Variants in LRRTM4 observed in about 807,000 individuals in gnomAD.
LRRTM4 encodes leucine-rich repeat transmembrane neuronal protein 4.
LRRTM4 carries 25 observed loss-of-function variants against 47.6 expected under a neutral mutation model. The ratio of observed to expected loss-of-function variants is 0.53; its 90% CI spans 0.38 to 0.73. LRRTM4 has a LOEUF of 0.73. LRRTM4 is among the 30% of genes least tolerant of loss of function. The probability of loss-of-function intolerance (pLI) is 0.00; values close to 1 mark genes in which losing one functional copy is unlikely to be tolerated. For missense variants in LRRTM4, 638 were observed against 713.4 expected, an observed-to-expected ratio of 0.89 and a Z score of 1.20; for synonymous variants, 311 against 269.5, an observed-to-expected ratio of 1.15 and a Z score of -1.51.
chr2:76,766,157 T>C (rs1305809750), intron 3 of LRRTM4, among the ~76,000 whole-genome samples: 1 of 152,182 alleles, frequency 6.6e-6, no homozygotes, highest in Admixed American at 6.5e-5. Flanking sequence ...TTCTTGAACA[T>C]CTTCCTTCTT....
chr2:77,098,716 G>GACTA (rs1670874037), intron 3 of LRRTM4, among the ~76,000 whole-genome samples: 3 of 140,736 alleles, frequency 2.1e-5, no homozygotes, highest in African/African-American at 8.2e-5. Context: ...AAATCACTAA[G>GACTA]AGATATAATC....
intron 3 of LRRTM4, among the ~76,000 whole-genome samples, chr2:77,237,916 T>C (rs1675148896): frequency 6.6e-6 from 1 of 152,096 alleles, no homozygotes; most frequent in Admixed American, 6.6e-5. Context: ...TGGGGCTGGT[T>C]CTGGATCCAG....
In LRRTM4 at chr2:77,227,471, CAGAT is replaced by C. The variant is rs1407718556; in HGVS notation, c.1551+290843_1551+290846del. 4.6e-5 allele frequency among the ~76,000 whole-genome samples: 7 copies of C among 152,034 alleles called. No homozygotes were observed. The East Asian group carries it at 7.7e-4, about 17-fold the overall frequency. On this transcript the variant is annotated intron_variant, in intron 3 of 3. Transcript: ENST00000409884. ...ATGAGGAAACAAAAGAGCAAGAAAA[CAGAT>C]AGGTGAAGCAATTATGATTTTTAAA...
intron 3 of LRRTM4, among the ~76,000 whole-genome samples, chr2:76,816,956 G>A (rs1468455306): frequency 6.7e-6 from 1 of 150,218 alleles, no homozygotes; most frequent in African/African-American, 2.4e-5. Flanking sequence ...GAGTATTGCA[G>A]TCTATAGAGT....
intron 3 of LRRTM4, among the ~76,000 whole-genome samples, chr2:77,314,350 GC>G (rs1440794055): frequency 4.6e-5 from 7 of 152,194 alleles, no homozygotes; most frequent in Admixed American, 3.9e-4. Flanking sequence ...TGCATTCCAT[GC>G]TTAAATAATA....
At chr2:77,005,925 T>G (rs1489058430) in intron 3 of LRRTM4, among the ~76,000 whole-genome samples, 1 of 152,206 alleles carries the variant, frequency 6.6e-6, no homozygotes, top group African/African-American at 2.4e-5. Flanking sequence ...GATACTATTA[T>G]TGTCCTTATT....
chr2:77,496,223 TTAG>T (rs2104061746), intron 3 of LRRTM4, among the ~76,000 whole-genome samples: 2 of 152,062 alleles, frequency 1.3e-5, no homozygotes, highest in South Asian at 4.1e-4. Context: ...CTCACATATT[TTAG>T]TAGCTTTCTT....
chr2:76,861,275 A>C (rs559995166), intron 3 of LRRTM4, among the ~76,000 whole-genome samples: 1 of 152,322 alleles, frequency 6.6e-6, no homozygotes, highest in South Asian at 2.1e-4. Context: ...GGAATGCAGA[A>C]GACTATAAAA....
chr2:77,213,666 C>T (rs373789631), intron 3 of LRRTM4, among the ~76,000 whole-genome samples: 1 of 152,104 alleles, frequency 6.6e-6, no homozygotes, highest in East Asian at 1.9e-4. Context: ...CAGTGGGTGA[C>T]TGAGGTCTAT....
At chr2:77,232,628 G>A (rs1277551995) in intron 3 of LRRTM4, among the ~76,000 whole-genome samples, 1 of 152,120 alleles carries the variant, frequency 6.6e-6, no homozygotes, top group African/African-American at 2.4e-5. Flanking sequence ...GATAGGAGAG[G>A]ATATCTCTGA....
chr2:76,777,112 A>T (rs1425829886), intron 3 of LRRTM4, among the ~76,000 whole-genome samples: 2 of 148,180 alleles, frequency 1.3e-5, no homozygotes, highest in Admixed American at 6.7e-5. Flanking sequence ...TGTTCCATTG[A>T]TCTATATCTC....
intron 3 of LRRTM4, among the ~76,000 whole-genome samples, chr2:76,807,102 C>T (rs1223411709): frequency 6.6e-6 from 1 of 151,922 alleles, no homozygotes; most frequent in Admixed American, 6.6e-5. Context: ...GTGTTAACTG[C>T]TACAAACCTA....
chr2:77,408,666 T>A (rs1363909724), intron 3 of LRRTM4, among the ~76,000 whole-genome samples: 1 of 152,192 alleles, frequency 6.6e-6, no homozygotes, highest in Non-Finnish European at 1.5e-5. Context: ...CCAGGAAGGA[T>A]AGGTGCTTCT....
chr2:77,032,250 G>A (rs13010206), intron 3 of LRRTM4, among the ~76,000 whole-genome samples: 34,239 of 151,954 alleles, frequency 0.23, 4,320 homozygotes, highest in East Asian at 0.41. Flanking sequence ...AAGTTGTTAC[G>A]TAGGTAACTC....
intron 3 of LRRTM4, among the ~76,000 whole-genome samples, chr2:76,842,161 A>G (rs904410085): frequency 3.9e-5 from 6 of 152,164 alleles, no homozygotes; most frequent in African/African-American, 1.4e-4. Context: ...AAGAGAACAA[A>G]AGGTTGAATT....
chr2:76,967,689 C>T (rs998610144), intron 3 of LRRTM4, among the ~76,000 whole-genome samples: 3 of 151,696 alleles, frequency 2.0e-5, no homozygotes, highest in Non-Finnish European at 4.4e-5. Context: ...TCTTGAAATG[C>T]CCTTTTTCTT....
chr2:76,985,152 T>C (rs1486297133), intron 3 of LRRTM4, among the ~76,000 whole-genome samples: 3 of 151,204 alleles, frequency 2.0e-5, no homozygotes, highest in Non-Finnish European at 4.4e-5. Context: ...TTTGGTACAC[T>C]TTAGAAGAGC....
At chr2:77,445,367 G>A (rs1218302008) in intron 3 of LRRTM4, among the ~76,000 whole-genome samples, 1 of 151,612 alleles carries the variant, frequency 6.6e-6, no homozygotes, top group Non-Finnish European at 1.5e-5. Context: ...CCTGCCTCTG[G>A]GAAAGTATTT....
intron 3 of LRRTM4, among the ~76,000 whole-genome samples, chr2:76,764,807 G>C (rs112517382): frequency 1.3e-5 from 2 of 152,152 alleles, no homozygotes; most frequent in Non-Finnish European, 2.9e-5. Context: ...TCTAGAAAAG[G>C]GAAGAAAAAG....
Sources: allele counts gnomAD v4.1 joint callset (sites outside exome capture counted in the v4.1 genomes callset), GRCh38; gene constraint gnomAD v4.1.1; transcripts MANE v1.5; gene names NCBI Gene and HGNC (gene_info 2026-07-23, HGNC 2026-07-21).